The following FGF14 variants were observed in gnomAD, a reference collection of about 807,000 sequenced individuals.
FGF14 encodes fibroblast growth factor 14.
Under a neutral mutation model 25.5 loss-of-function variants are expected in FGF14, and 5 were observed. The observed-to-expected ratio is 0.20, with a 90% CI of 0.10 to 0.41. The LOEUF is 0.41. FGF14 is among the 10% of genes least tolerant of loss of function. FGF14 has a pLI of 1.00. For missense variants in FGF14, 222 were observed against 320.1 expected (o/e 0.69, Z 2.34); for synonymous variants, 138 against 118.3 (o/e 1.17, Z -1.08).
intron 3 of FGF14, among the ~76,000 whole-genome samples, chr13:101,808,890 T>A (rs150844298): frequency 3.9e-5 from 6 of 152,268 alleles, no homozygotes; most frequent in Middle Eastern, 6.8e-3. Context: ...TAGTGCATAA[T>A]GTAATTTACA....
chr13:101,762,956 C>A (rs1261538507), intron 3 of FGF14, among the ~76,000 whole-genome samples: 1 of 152,148 alleles, frequency 6.6e-6, no homozygotes, highest in Non-Finnish European at 1.5e-5. Context: ...CTGCACCAAA[C>A]ACACACCCTG....
intron 1 of FGF14, among the ~76,000 whole-genome samples, chr13:102,363,289 AAACAT>A (rs1307799781): frequency 6.6e-6 from 1 of 152,220 alleles, no homozygotes; most frequent in Non-Finnish European, 1.5e-5. Flanking sequence ...TTTATAGAGA[AAACAT>A]ACTCTTATTC....
At chr13:102,245,267 T>C (rs1384679450) in intron 1 of FGF14, among the ~76,000 whole-genome samples, 1 of 152,172 alleles carries the variant, frequency 6.6e-6, no homozygotes, top group East Asian at 1.9e-4. Context: ...TGTAGTTGTG[T>C]GTCTCCCTAT....
chr13:102,202,753 G>A (rs1160985356), intron 1 of FGF14, among the ~76,000 whole-genome samples: 18 of 152,180 alleles, frequency 1.2e-4, no homozygotes. Flanking sequence ...TTGCAGAGAA[G>A]TGCTATCCTT....
At chr13:102,145,824 G>C (rs184054415) in intron 1 of FGF14, among the ~76,000 whole-genome samples, 1 of 152,276 alleles carries the variant, frequency 6.6e-6, no homozygotes, top group African/African-American at 2.4e-5. Context: ...AGAGTATTTA[G>C]AGAAGTATAT....
At chr13:102,161,575 A>AGG (rs1158303272) in intron 1 of FGF14, among the ~76,000 whole-genome samples, 3 of 5,476 alleles carry the variant, frequency 5.5e-4, no homozygotes, top group South Asian at 0.01. Context: ...TGAAGAAAGA[A>AGG]AGAAGAAGAA....
chr13:102,216,225 TCTGAGATAA>T (rs1192742414), intron 1 of FGF14, among the ~76,000 whole-genome samples: 1 of 152,174 alleles, frequency 6.6e-6, no homozygotes, highest in East Asian at 1.9e-4. Flanking sequence ...TCTGAGTAGC[TCTGAGATAA>T]CACAGGATGA....
chr13:101,908,934 C>T (rs535750508), intron 1 of FGF14, among the ~76,000 whole-genome samples: 12 of 152,064 alleles, frequency 7.9e-5, no homozygotes, highest in Non-Finnish European at 4.4e-5. Flanking sequence ...AGAAATAATG[C>T]CACATATCCA....
At chr13:102,026,756 AT>A (rs2040948580) in intron 1 of FGF14, among the ~76,000 whole-genome samples, 1 of 151,926 alleles carries the variant, frequency 6.6e-6, no homozygotes, top group African/African-American at 2.4e-5. Flanking sequence ...TCAGACTTTA[AT>A]TTTCCCTTAT....
intron 1 of FGF14, among the ~76,000 whole-genome samples, chr13:101,913,061 T>G (rs2033113797): frequency 6.6e-6 from 1 of 152,218 alleles, no homozygotes; most frequent in Non-Finnish European, 1.5e-5. Flanking sequence ...TATTTTTAAT[T>G]GTATCCAATA....
chr13:102,188,832 T>C (rs757652904), intron 1 of FGF14, among the ~76,000 whole-genome samples: 21 of 151,634 alleles, frequency 1.4e-4, no homozygotes, highest in Non-Finnish European at 2.4e-4. Context: ...TCCCAGATAC[T>C]GGGGAGGCTG....
chr13:101,734,204 G>A (rs1012498952), intron 3 of FGF14, among the ~76,000 whole-genome samples: 1 of 152,002 alleles, frequency 6.6e-6, no homozygotes, highest in East Asian at 1.9e-4. Context: ...CATTAAAATT[G>A]GGACATATTG....
intron 3 of FGF14, among the ~76,000 whole-genome samples, chr13:101,853,041 T>G (rs1444758684): frequency 6.6e-6 from 1 of 152,046 alleles, no homozygotes; most frequent in African/African-American, 2.4e-5. Flanking sequence ...TTTAGAATAT[T>G]AAGGACTTAG....
intron 3 of FGF14, among the ~76,000 whole-genome samples, chr13:101,814,357 C>T (rs1380165573): frequency 1.3e-5 from 2 of 152,176 alleles, no homozygotes; most frequent in East Asian, 3.8e-4. Context: ...AACTGAAAAA[C>T]ATGTGAAATA....
At chr13:102,348,254 C>T (rs2057171565) in intron 1 of FGF14, among the ~76,000 whole-genome samples, 1 of 152,156 alleles carries the variant, frequency 6.6e-6, no homozygotes, top group South Asian at 2.1e-4. Context: ...AAGAACTCTA[C>T]ATTATTGACA....
At chr13:101,858,809 G>A (rs969836293) in intron 3 of FGF14, among the ~76,000 whole-genome samples, 3 of 152,016 alleles carry the variant, frequency 2.0e-5, no homozygotes, top group Non-Finnish European at 4.4e-5. Flanking sequence ...AAATAACAAA[G>A]CTCTTTTTCT....
intron 1 of FGF14, among the ~76,000 whole-genome samples, chr13:102,011,381 G>A (rs2040068940): frequency 6.6e-6 from 1 of 152,170 alleles, no homozygotes; most frequent in Non-Finnish European, 1.5e-5. Context: ...TATTCCTAAC[G>A]CTGCAGGAGT....
intron 1 of FGF14, among the ~76,000 whole-genome samples, chr13:102,222,510 G>A (rs2050657798): frequency 6.6e-6 from 1 of 152,176 alleles, no homozygotes; most frequent in Non-Finnish European, 1.5e-5. Flanking sequence ...GTAGTCATAA[G>A]CTCCTAAGGC....
intron 1 of FGF14, among the ~76,000 whole-genome samples, chr13:102,203,758 AT>A (rs1001417172): frequency 6.6e-5 from 10 of 152,124 alleles, no homozygotes; most frequent in African/African-American, 2.2e-4. Flanking sequence ...TACAATCTTC[AT>A]TTTTTTCTTC....
Sources: gnomAD v4.1 joint callset for allele counts (sites outside exome capture counted in the v4.1 genomes callset) on GRCh38, gnomAD v4.1.1 for gene constraint, MANE v1.5 for transcripts, NCBI Gene and HGNC (gene_info 2026-07-23, HGNC 2026-07-21) for gene names.